Variants in WDPCP observed in about 807,000 individuals in gnomAD.
WDPCP encodes WD repeat containing planar cell polarity effector, also known as WD repeat-containing and planar cell polarity effector protein fritz homolog.
In WDPCP, 71 loss-of-function variants were observed where a neutral mutation model predicts 93.1. The ratio of observed to expected loss-of-function variants is 0.76; its 90% confidence interval spans 0.63 to 0.93. WDPCP has a LOEUF of 0.93. WDPCP is among the 40% of genes least tolerant of loss of function. WDPCP has a pLI of 0.00. For synonymous variants in WDPCP, 315 were observed against 315.0 expected (o/e 1.00, Z 0.00); for missense variants, 844 against 887.4 (o/e 0.95, Z 0.62).
intron 14 of WDPCP, among the ~76,000 whole-genome samples, chr2:63,227,537 C>A (rs1270665386): frequency 1.3e-5 from 2 of 151,924 alleles, no homozygotes; most frequent in African/African-American, 4.8e-5. Context: ...CTGTAACATG[C>A]AACATTATGG....
At chr2:63,643,009 T>G (rs1709999156) in intron 3 of WDPCP, 1 of 153,546 alleles carries the variant, frequency 6.5e-6, no homozygotes, top group Non-Finnish European at 1.4e-5. Context: ...ATACTCAGTT[T>G]TTTGAGGTTT....
intron 14 of WDPCP, among the ~76,000 whole-genome samples, chr2:63,216,216 C>G (rs1241603184): frequency 2.6e-5 from 4 of 152,090 alleles, no homozygotes; most frequent in Non-Finnish European, 5.9e-5. Flanking sequence ...GGCATATACC[C>G]AAAGGATTAT....
rs1249865114 is a variant in WDPCP, at chr2:63,121,540, TA to T, written c.*465del. 1 of 155,194 alleles carries T rather than the reference TA, an allele frequency of 6.4e-6. No individual in the cohort carries two copies. The highest frequency in any genetic ancestry group is 1.4e-5 in the Non-Finnish European group (1 of 70,208). The allele number at this position is 155,194 out of a possible 1,614,324, so 9.6% of individuals were successfully genotyped here. On this transcript the variant is annotated 3_prime_UTR_variant, in exon 18 of 18. Transcript: ENST00000272321. ...TGTACCACCATGCCTGGCTAATTTTTAAAATTTTTTCTAGAGACAGCGTTTC... is the reference window on the plus strand; with the variant it reads ...TGTACCACCATGCCTGGCTAATTTTTAAATTTTTTCTAGAGACAGCGTTTC...
chr2:63,390,286 C>A (rs968085837), intron 10 of WDPCP, among the ~76,000 whole-genome samples: 6 of 101,100 alleles, frequency 5.9e-5, no homozygotes, highest in African/African-American at 2.1e-4. Flanking sequence ...CAACATGCTC[C>A]TGAATGACTG....
At chr2:63,831,694 T>C (rs1671203842), upstream of WDPCP, among the ~76,000 whole-genome samples, 1 of 152,066 alleles carries the variant, frequency 6.6e-6, no homozygotes, top group African/African-American at 2.4e-5. Flanking sequence ...TATATATATA[T>C]ATATATAGTG....
intron 3 of WDPCP, chr2:63,595,057 C>T (rs2106606101): frequency 3.2e-6 from 1 of 309,352 alleles, no homozygotes; most frequent in East Asian, 9.2e-5. Context: ...CCCATGGATA[C>T]TGAATTATTC....
chr2:63,218,296 T>C (rs1474462153), intron 14 of WDPCP, among the ~76,000 whole-genome samples: 1 of 152,136 alleles, frequency 6.6e-6, no homozygotes, highest in Admixed American at 6.6e-5. Context: ...TATATTACTT[T>C]TATTAGAAAT....
At chr2:63,285,206 G>A (rs573172394) in intron 13 of WDPCP, among the ~76,000 whole-genome samples, 5 of 152,246 alleles carry the variant, frequency 3.3e-5, no homozygotes, top group East Asian at 1.9e-4. Flanking sequence ...CAAGGGCGGC[G>A]GATCACGAGG....
chr2:63,833,136 C>A, the WDPCP span, among the ~76,000 whole-genome samples: 5 of 152,078 alleles, frequency 3.3e-5, no homozygotes, highest in African/African-American at 9.7e-5. Flanking sequence ...GCCTGTAATC[C>A]CAGCTACTCA....
chr2:63,588,378 G>GCCGCCA lies in WDPCP; in HGVS notation c.-108_-107insTGGCGG. ...GGGTCTCCAGGACGCCGCCGCCGCCGCCACAGTTTCCTCAGGTGCTACAAA... is the reference window on the plus strand; with the variant it reads ...GGGTCTCCAGGACGCCGCCGCCGCCGCCGCCACCACAGTTTCCTCAGGTGCTACAAA... On this transcript the variant is annotated 5_prime_UTR_variant, in exon 1 of 18. Transcript: ENST00000272321. 1 of 1,314,904 alleles carries GCCGCCA rather than the reference G, an allele frequency of 7.6e-7. No homozygotes were observed. The highest frequency in any genetic ancestry group is 1.3e-5 in the South Asian group (1 of 79,388). 81.5% of individuals were successfully genotyped at this position (1,314,904 alleles called of 1,614,324 possible). A position where few individuals can be genotyped will look rare whatever the true frequency, so the allele number is the denominator to read the frequency against.
intron 1 of WDPCP, among the ~76,000 whole-genome samples, chr2:63,548,683 C>T (rs998598350): frequency 6.6e-5 from 10 of 150,780 alleles, no homozygotes; most frequent in African/African-American, 2.4e-4. Context: ...TTTTTGAGAC[C>T]GAGCTCTCGC....
intron 1 of WDPCP, among the ~76,000 whole-genome samples, chr2:63,566,403 C>T (rs1707058031): frequency 6.6e-6 from 1 of 152,226 alleles, no homozygotes; most frequent in African/African-American, 2.4e-5. Flanking sequence ...TTCAAGTTGT[C>T]CTGCCTTTCC....
intron 2 of WDPCP, among the ~76,000 whole-genome samples, chr2:63,723,083 G>A (rs1318123262): frequency 6.6e-6 from 1 of 151,968 alleles, no homozygotes; most frequent in Non-Finnish European, 1.5e-5. Context: ...ATGCTTGAAG[G>A]CAGCATGCTC....
rs181934424 is a variant in WDPCP, at chr2:63,811,292, G to A, written n.308+2330C>T. On this transcript the variant is annotated intron_variant and non_coding_transcript_variant, in intron 2 of 4. Transcript: ENST00000467687. ...TTTATAACTAATAAAATACGGCAAA[G>A]GTGATGGGATGTCACTCCCATAATT... Among the ~76,000 whole-genome samples the A allele has an allele frequency of 4.6e-5, 7 of 152,308 alleles. No homozygotes were observed. The East Asian group carries it at 1.3e-3, about 29-fold the overall frequency.
intron 13 of WDPCP, among the ~76,000 whole-genome samples, chr2:63,279,495 C>T (rs1683344033): frequency 6.6e-6 from 1 of 152,130 alleles, no homozygotes; most frequent in South Asian, 2.1e-4. Context: ...AAACCCACAG[C>T]CAACATAATA....
chr2:63,277,544 T>G (rs576823145), intron 13 of WDPCP, among the ~76,000 whole-genome samples: 1 of 152,218 alleles, frequency 6.6e-6, no homozygotes, highest in Non-Finnish European at 1.5e-5. Flanking sequence ...AAATTTAAGG[T>G]AAAGAGGTGG....
Position 63,730,160 on chromosome 2 carries a change from G to A in WDPCP, n.309-79322C>T, listed in dbSNP as rs375443910. Among the ~76,000 whole-genome samples the A allele has an allele frequency of 2.6e-4, 39 of 152,078 alleles. No homozygotes were observed. The East Asian group carries it at 6.6e-3, about 26-fold the overall frequency. ...GCGACATTTGTATGCATTATCTCATGCAATCTTCACAAGGACCTTAGGAAG... is the reference window on the plus strand; with the variant it reads ...GCGACATTTGTATGCATTATCTCATACAATCTTCACAAGGACCTTAGGAAG... On this transcript the variant is annotated intron_variant and non_coding_transcript_variant, in intron 2 of 4. Coordinates refer to the WDPCP transcript ENST00000467687.
At chr2:63,507,960 T>C (rs755575562) in intron 1 of WDPCP, among the ~76,000 whole-genome samples, 5 of 152,190 alleles carry the variant, frequency 3.3e-5, no homozygotes, top group African/African-American at 4.8e-5. Context: ...TACATTTGAT[T>C]GGTGTACCTG....
At chr2:63,417,566 T>C (rs1389186168) in intron 9 of WDPCP, among the ~76,000 whole-genome samples, 2 of 151,450 alleles carry the variant, frequency 1.3e-5, no homozygotes, top group African/African-American at 4.8e-5. Context: ...TGTATACTGC[T>C]ATGATAAAGG....
Sources: allele counts gnomAD v4.1 joint callset (sites outside exome capture counted in the v4.1 genomes callset), GRCh38; gene constraint gnomAD v4.1.1; transcripts MANE v1.5; gene names NCBI Gene and HGNC (gene_info 2026-07-23, HGNC 2026-07-21).